Variants in CHIC1 observed in about 807,000 individuals in gnomAD.
The protein encoded by CHIC1 is cysteine-rich hydrophobic domain-containing protein 1.
Under a neutral mutation model 18.5 loss-of-function variants are expected in CHIC1, and 7 were observed. The observed-to-expected ratio is 0.38, with a 90% confidence interval of 0.22 to 0.71. The LOEUF (loss-of-function observed/expected upper bound fraction) is 0.71, where lower values mean the gene tolerates loss of function less well. Ranked by LOEUF, CHIC1 falls within the 30% of genes least tolerant of loss-of-function variation. CHIC1 has a pLI of 0.49. For missense variants in CHIC1, 159 were observed against 176.9 expected (o/e 0.90, Z 0.57); for synonymous variants, 77 against 73.5 (o/e 1.05, Z -0.25).
intron 3 of CHIC1, among the ~76,000 whole-genome samples, chrX:73,633,417 G>A (rs1041729262): frequency 9.0e-6 from 1 of 110,992 alleles, no homozygotes; most frequent in African/African-American, 3.3e-5. Flanking sequence ...TTGGGGCAAT[G>A]GTGAATAGTT....
chrX:73,685,867 T>C lies in CHIC1; in HGVS notation c.*4862T>C, dbSNP rs2058119471. ...ATGTGTTAAACGTGGGTAATTGTAT[T>C]ATGTTAATACATACTTAGGGAGGAA... On this transcript the variant is annotated 3_prime_UTR_variant, in exon 6 of 6. Transcript: ENST00000373502. The C allele has an allele frequency of 3.6e-5, 4 of 111,786 alleles. No individual in the cohort carries two copies. In the South Asian group the frequency reaches 1.5e-3, roughly 41 times the overall value. 9.2% of individuals were successfully genotyped at this position (111,786 alleles called of 1,213,427 possible).
chrX:73,644,351 A>T (rs2057876238), intron 3 of CHIC1, among the ~76,000 whole-genome samples: 1 of 112,437 alleles, frequency 8.9e-6, no homozygotes, highest in African/African-American at 3.2e-5. Context: ...TTGAGGAGGC[A>T]GTCTGCCCGT....
chrX:73,661,687 G>C (rs919839559), intron 3 of CHIC1, among the ~76,000 whole-genome samples: 2 of 111,642 alleles, frequency 1.8e-5, no homozygotes, highest in African/African-American at 6.5e-5. Context: ...CATGAGGGCT[G>C]TTTCAAGGTT....
intron 3 of CHIC1, among the ~76,000 whole-genome samples, chrX:73,670,822 C>A (rs1019072826): frequency 2.7e-5 from 3 of 111,277 alleles, no homozygotes; most frequent in Non-Finnish European, 5.7e-5. Context: ...GTACAGTTTC[C>A]AAATTTCCTC....
chrX:73,669,344 T>C (rs1404625477), intron 3 of CHIC1, among the ~76,000 whole-genome samples: 1 of 111,749 alleles, frequency 8.9e-6, no homozygotes, highest in Non-Finnish European at 1.9e-5. Context: ...AGTGCCCTGC[T>C]TAAAGAAGCA....
At chrX:73,662,454 A>T (rs1344178674) in intron 3 of CHIC1, among the ~76,000 whole-genome samples, 6 of 101,644 alleles carry the variant, frequency 5.9e-5, no homozygotes, top group Middle Eastern at 9.4e-3. Context: ...TGTGGATCTT[A>T]TGCGATCTAG....
intron 3 of CHIC1, among the ~76,000 whole-genome samples, chrX:73,678,281 G>C (rs1350736701): frequency 8.9e-6 from 1 of 112,335 alleles, no homozygotes; most frequent in Non-Finnish European, 1.9e-5. Flanking sequence ...AGCAGTGCCA[G>C]GTAGACTGGT....
At chrX:73,668,704 C>T (rs2058016040) in intron 3 of CHIC1, among the ~76,000 whole-genome samples, 2 of 111,762 alleles carry the variant, frequency 1.8e-5, no homozygotes, top group Non-Finnish European at 3.8e-5. Context: ...GAAAAGATGG[C>T]AGTCAGCCTA....
chrX:73,569,481 T>G (rs1269004845), intron 1 of CHIC1, among the ~76,000 whole-genome samples: 2 of 111,122 alleles, frequency 1.8e-5, no homozygotes, highest in East Asian at 5.7e-4. Flanking sequence ...AAACATACAG[T>G]AGATTGTATA....
rs1384726304 is a variant in CHIC1 at position 73,682,872 on chromosome X, G to T, written c.*1867G>T. 3 of 111,523 alleles carry T rather than the reference G, an allele frequency of 2.7e-5. No homozygotes were observed. In the East Asian group the frequency reaches 8.4e-4, roughly 31 times the overall value. 9.2% of individuals were successfully genotyped at this position (111,523 alleles called of 1,213,427 possible). ...AAGGTCGGGAAAAATTGTATCTGAG[G>T]TTTATGTTCCAGCTAATGTTATCAA... On this transcript the variant is annotated 3_prime_UTR_variant, in exon 6 of 6. Transcript: ENST00000373502.
At position 73,575,045 on chromosome X, in the gene CHIC1, A is replaced by T. The variant is rs138287991; in HGVS notation, c.297-2362A>T. Among the ~76,000 whole-genome samples the T allele has an allele frequency of 4.2e-4, 46 of 110,091 alleles. 1 individual carries two copies. The East Asian group carries it at 0.013, about 31-fold the overall frequency. On this transcript the variant is annotated intron_variant, in intron 1 of 5. Coordinates refer to ENST00000373502, the MANE Select transcript of CHIC1 (RefSeq NM_001039840.4). ...AGTGACCCTACAACCAAGTGCGATAAATCAGTTAAACAGTACAGTAGTTTA... is the reference window on the plus strand; with the variant it reads ...AGTGACCCTACAACCAAGTGCGATATATCAGTTAAACAGTACAGTAGTTTA...
At chrX:73,618,086 TG>T (rs1397414551) in intron 3 of CHIC1, among the ~76,000 whole-genome samples, 2 of 111,738 alleles carry the variant, frequency 1.8e-5, no homozygotes, top group Non-Finnish European at 3.8e-5. Flanking sequence ...ACCAGGCTCC[TG>T]GCTGGTACTG....
intron 3 of CHIC1, among the ~76,000 whole-genome samples, chrX:73,662,301 C>CTAGT (rs1407842545): frequency 9.2e-6 from 1 of 108,539 alleles, no homozygotes; most frequent in Admixed American, 1.0e-4. Flanking sequence ...ACTTTACTAA[C>CTAGT]TAGTTGGATA....
chrX:73,622,191 CAGG>C (rs1449152746), intron 3 of CHIC1, among the ~76,000 whole-genome samples: 1 of 111,952 alleles, frequency 8.9e-6, no homozygotes, highest in Non-Finnish European at 1.9e-5. Flanking sequence ...GTTTTGGTAT[CAGG>C]ATGATGCTGG....
chrX:73,576,667 G>A (rs753108912), intron 1 of CHIC1, among the ~76,000 whole-genome samples: 4 of 110,388 alleles, frequency 3.6e-5, no homozygotes, highest in African/African-American at 1.3e-4. Flanking sequence ...CCTATCCTCC[G>A]CTAATGTAAC....
Position 73,604,688 on chromosome X carries a change from G to C in CHIC1, c.507+20116G>C, listed in dbSNP as rs187089642. Among the ~76,000 whole-genome samples the C allele has an allele frequency of 1.9e-3, 209 of 108,897 alleles. 3 individuals are homozygous for C. Among genetic ancestry groups the C allele is most frequent in the Non-Finnish European group, 3.1e-3 (164 of 53,110 alleles). 94.6% of individuals were successfully genotyped at this position (108,897 alleles called of 115,157 possible). ...AACACTGCTTTAGTTGTGTCCCAGA[G>C]ATTCTGGTATGTTGTGTCTTTGTTG... On this transcript the variant is annotated intron_variant, in intron 3 of 5. Coordinates refer to ENST00000373502, the MANE Select transcript of CHIC1 (RefSeq NM_001039840.4).
At chrX:73,679,063 G>T (rs966383833) in intron 3 of CHIC1, among the ~76,000 whole-genome samples, 4 of 111,911 alleles carry the variant, frequency 3.6e-5, no homozygotes, top group Non-Finnish European at 7.5e-5. Flanking sequence ...ACAACACAAA[G>T]AAATTCATAC....
chrX:73,633,060 C>T (rs2057815383), intron 3 of CHIC1, among the ~76,000 whole-genome samples: 1 of 111,231 alleles, frequency 9.0e-6, no homozygotes, highest in Admixed American at 9.5e-5. Context: ...AGCCACCGCG[C>T]CTGGCCGGTA....
chrX:73,645,907 C>T (rs1292281202), intron 3 of CHIC1, among the ~76,000 whole-genome samples: 2 of 111,683 alleles, frequency 1.8e-5, no homozygotes, highest in African/African-American at 3.3e-5. Flanking sequence ...TTCATGCAGT[C>T]CTGTTCATTT....
Sources: gnomAD v4.1 joint callset for allele counts (sites outside exome capture counted in the v4.1 genomes callset) on GRCh38, gnomAD v4.1.1 for gene constraint, MANE v1.5 for transcripts, NCBI Gene and HGNC (gene_info 2026-07-23, HGNC 2026-07-21) for gene names.